Variants in WWP2 observed in about 807,000 individuals in gnomAD.
WWP2 encodes NEDD4-like E3 ubiquitin-protein ligase WWP2.
In WWP2, 57 loss-of-function variants were observed where a neutral mutation model predicts 121.0. The observed-to-expected ratio is 0.47, with a 90% CI of 0.38 to 0.59. The LOEUF (loss-of-function observed/expected upper bound fraction) is 0.59. Ranked by LOEUF, WWP2 falls within the 20% of genes least tolerant of loss-of-function variation. WWP2 has a pLI of 0.00. For synonymous variants in WWP2, 449 were observed against 441.3 expected (o/e 1.02, Z -0.22); for missense variants, 962 against 1,158.9 (o/e 0.83, Z 2.47).
chr16:69,791,202 C>G (rs895625834), intron 2 of WWP2, among the ~76,000 whole-genome samples: 1 of 151,778 alleles, frequency 6.6e-6, no homozygotes, highest in East Asian at 1.9e-4. Context: ...TATTCAGCCA[C>G]GCACACTTAC....
chr16:69,871,585 G>A, intron 6 of WWP2: 1 of 532,476 alleles, frequency 1.9e-6, no homozygotes, highest in Non-Finnish European at 3.2e-6. Flanking sequence ...AAGTGGAAAA[G>A]TTTACACAAA....
rs1193306010 is a variant in WWP2, at chr16:69,941,722, A to G, written c.*1782A>G. The G allele has an allele frequency of 2.0e-5, 3 of 153,668 alleles. No individual in the cohort carries two copies. The highest frequency in any genetic ancestry group is 4.4e-5 in the Non-Finnish European group (3 of 68,056). 9.5% of individuals were successfully genotyped at this position (153,668 alleles called of 1,614,324 possible). The stretch of plus-strand genomic sequence containing the variant: ...CTCGATATTGCCAGTTTCTTGTGCA[A>G]TAAACAATCAGCAGCTGTGGGTGGT... On this transcript the variant is annotated 3_prime_UTR_variant, in exon 24 of 24. Transcript: ENST00000359154.
intron 5 of WWP2, among the ~76,000 whole-genome samples, chr16:69,841,190 A>G (rs1425983302): frequency 6.6e-6 from 1 of 152,234 alleles, no homozygotes; most frequent in African/African-American, 2.4e-5. Context: ...AGTCTCCTTG[A>G]TGAGGGCAGG....
intron 1 of WWP2, among the ~76,000 whole-genome samples, chr16:69,777,015 A>G (rs540300007): frequency 3.3e-5 from 5 of 151,888 alleles, no homozygotes; most frequent in South Asian, 4.1e-4. Context: ...TAAGACATAC[A>G]TTTTATATCT....
chr16:69,774,467 G>A (rs2055482518), intron 1 of WWP2, among the ~76,000 whole-genome samples: 1 of 152,090 alleles, frequency 6.6e-6, no homozygotes, highest in South Asian at 2.1e-4. Context: ...CTATTGTTCA[G>A]GCTGGTCTCG....
rs1385806525 is a variant in WWP2 at position 69,841,529 on chromosome 16, C to T, written c.479-495C>T. On this transcript the variant is annotated intron_variant, in intron 5 of 23. Transcript: ENST00000359154. ...CAGAGAAACAGGTCAACTCAGATCA[C>T]GCAGCCTTGAAACATTTGGTAGGGA... 2.6e-5 allele frequency among the ~76,000 whole-genome samples: 4 copies of T among 152,108 alleles called. 1 individual carries two copies. Among genetic ancestry groups the T allele is most frequent in the South Asian group, 4.1e-4 (2 of 4,824 alleles).
intron 6 of WWP2, among the ~76,000 whole-genome samples, chr16:69,844,918 G>A (rs781363218): frequency 1.3e-4 from 20 of 152,190 alleles, no homozygotes; most frequent in Admixed American, 3.3e-4. Flanking sequence ...TTATCCAAAG[G>A]CTGTCTCTTT....
Position 69,842,059 on chromosome 16 carries a change from G to C in WWP2, c.514G>C (p.Ala172Pro), listed in dbSNP as rs147074353. Residue 172 changes from alanine (A) to proline (P), a missense_variant, in exon 6 of 24, where the codon GCA (alanine) becomes CCA (proline). By Grantham distance (27) the Ala-to-Pro change is conservative. Transcript: ENST00000359154. Reference protein sequence around the residue: ...QLPSRDSSGTAVAPENRHQPP... With the variant: ...QLPSRDSSGTPVAPENRHQPP... ...GCCTTCGAGAGACTCCAGTGGAACAGCAGTAGCTCCAGAGAACCGGCACCA... is the reference window on the plus strand; with the variant it reads ...GCCTTCGAGAGACTCCAGTGGAACACCAGTAGCTCCAGAGAACCGGCACCA... The C allele has an allele frequency of 4.7e-4, 763 of 1,613,498 alleles. 1 individual carries two copies. The highest frequency in any genetic ancestry group is 5.7e-4 in the Non-Finnish European group (673 of 1,179,820).
At chr16:69,858,179 T>G (rs1342356114) in intron 6 of WWP2, among the ~76,000 whole-genome samples, 1 of 152,162 alleles carries the variant, frequency 6.6e-6, no homozygotes, top group Non-Finnish European at 1.5e-5. Flanking sequence ...AGAAAAAGGA[T>G]GATGAATTGG....
At chr16:69,791,359 C>T (rs944187935) in intron 2 of WWP2, among the ~76,000 whole-genome samples, 1 of 152,054 alleles carries the variant, frequency 6.6e-6, no homozygotes, top group Non-Finnish European at 1.5e-5. Context: ...TCCAAAGAAG[C>T]TGGGATTACA....
intron 6 of WWP2, among the ~76,000 whole-genome samples, chr16:69,858,084 T>C (rs1337128635): frequency 6.6e-6 from 1 of 152,144 alleles, no homozygotes; most frequent in Non-Finnish European, 1.5e-5. Context: ...TTGGTTTTGT[T>C]CCTTTTCTTT....
rs1410790591 is a variant in WWP2, at chr16:69,825,179, C to G, written c.341-14947C>G. On this transcript the variant is annotated intron_variant, in intron 4 of 23. Coordinates refer to ENST00000359154, the MANE Select transcript of WWP2 (RefSeq NM_001270454.2). Reference sequence around the variant, plus strand: ...GTGGCTCACACCTGTAATCCCAGCACTTTGGGAGGCTGAGGTGGGCGGATC... The same window carrying G: ...GTGGCTCACACCTGTAATCCCAGCAGTTTGGGAGGCTGAGGTGGGCGGATC... 2.0e-5 allele frequency among the ~76,000 whole-genome samples: 3 copies of G among 151,918 alleles called. No homozygotes were observed. The East Asian group carries it at 5.9e-4, about 30-fold the overall frequency.
intron 6 of WWP2, among the ~76,000 whole-genome samples, chr16:69,855,147 C>T (rs914906906): frequency 1.5e-4 from 23 of 152,190 alleles, no homozygotes; most frequent in Admixed American, 6.5e-4. Flanking sequence ...GAGCCCCAGC[C>T]GGCTTTTCAT....
chr16:69,780,705 C>A (rs907178689), intron 1 of WWP2, among the ~76,000 whole-genome samples: 1 of 152,120 alleles, frequency 6.6e-6, no homozygotes, highest in Non-Finnish European at 1.5e-5. Context: ...CTAAGTGAGT[C>A]AAAACATCAT....
intron 9 of WWP2, among the ~76,000 whole-genome samples, chr16:69,916,249 T>A (rs975117115): frequency 6.6e-6 from 1 of 152,066 alleles, no homozygotes; most frequent in Admixed American, 6.6e-5. Context: ...GGCTGGAATG[T>A]AGCAGCATAA....
intron 4 of WWP2, among the ~76,000 whole-genome samples, chr16:69,802,123 T>G (rs937670636): frequency 6.6e-6 from 1 of 152,012 alleles, no homozygotes; most frequent in African/African-American, 2.4e-5. Flanking sequence ...AGAGACAGGG[T>G]TTCACTATGT....
rs762381932 is a variant in WWP2 at position 69,925,492 on chromosome 16, C to T, written c.1234+8C>T. ...CCCTCCCTCCTGGCTGGGGTAAGTACTGAGTTCTCTTCCTGGCCCTTGGCC... is the reference window on the plus strand; with the variant it reads ...CCCTCCCTCCTGGCTGGGGTAAGTATTGAGTTCTCTTCCTGGCCCTTGGCC... On this transcript the variant is annotated splice_region_variant and intron_variant, in intron 11 of 23. Transcript: ENST00000359154. The surrounding 1 kb of genome is among the most constrained non-coding windows in gnomAD (Gnocchi z 4.0). The T allele has an allele frequency of 3.7e-6, 6 of 1,613,872 alleles. No individual in the cohort carries two copies. The highest frequency in any genetic ancestry group is 5.1e-6 in the Non-Finnish European group (6 of 1,179,940).
In WWP2 at chr16:69,858,530, G is replaced by T. The variant is rs143353944; in HGVS notation, c.576-13274G>T. ...AGAGGGGGCGCCCTTTATCACAGCCGCCTTGTGCTTGCAAGGTGAACCACC... is the reference window on the plus strand; with the variant it reads ...AGAGGGGGCGCCCTTTATCACAGCCTCCTTGTGCTTGCAAGGTGAACCACC... On this transcript the variant is annotated intron_variant, in intron 6 of 23. Transcript: ENST00000359154. Among the ~76,000 whole-genome samples the T allele has an allele frequency of 2.2e-3, 332 of 152,072 alleles. 2 individuals are homozygous for T. The highest frequency in any genetic ancestry group is 5.6e-3 in the South Asian group (27 of 4,786).
intron 8 of WWP2, among the ~76,000 whole-genome samples, chr16:69,901,300 A>G (rs1184251716): frequency 1.3e-5 from 2 of 152,216 alleles, no homozygotes; most frequent in Non-Finnish European, 2.9e-5. Flanking sequence ...ACTTCTGAAG[A>G]GGCAGCTTTA....
Sources: allele counts gnomAD v4.1 joint callset (sites outside exome capture counted in the v4.1 genomes callset), GRCh38; gene constraint gnomAD v4.1.1; non-coding constraint Gnocchi (gnomAD v3.1); transcripts MANE v1.5; gene names NCBI Gene and HGNC (gene_info 2026-07-23, HGNC 2026-07-21).